Variants in LEKR1 observed in about 807,000 individuals in gnomAD.
The protein encoded by LEKR1 is leucine, glutamate and lysine rich 1, also known as protein LEKR1.
In LEKR1, 59 loss-of-function variants were observed where a neutral mutation model predicts 72.4. The observed-to-expected ratio is 0.82, with a 90% CI of 0.66 to 1.01. The LOEUF (loss-of-function observed/expected upper bound fraction) is 1.01. Ranked by LOEUF, LEKR1 falls within the 50% of genes least tolerant of loss-of-function variation. LEKR1 has a pLI of 0.00. For missense variants in LEKR1, 728 were observed against 759.2 expected, an observed-to-expected ratio of 0.96 and a Z score of 0.48; for synonymous variants, 257 against 263.2, an observed-to-expected ratio of 0.98 and a Z score of 0.23.
At chr3:156,876,016 AGAAAT>A in intron 3 of LEKR1, among the ~76,000 whole-genome samples, 1 of 136,648 alleles carries the variant, frequency 7.3e-6, no homozygotes. Context: ...AAAAAAAAAA[AGAAAT>A]GAGGATCCAG....
intron 6 of LEKR1, among the ~76,000 whole-genome samples, chr3:156,962,026 C>T (rs937772382): frequency 2.6e-5 from 4 of 152,192 alleles, no homozygotes; most frequent in African/African-American, 4.8e-5. Flanking sequence ...GTATTCACCT[C>T]GACTTGTTTA....
chr3:157,043,621 T>C (rs962241461), intron 12 of LEKR1, among the ~76,000 whole-genome samples: 5 of 152,224 alleles, frequency 3.3e-5, no homozygotes, highest in Non-Finnish European at 5.9e-5. Context: ...CAGTGTGAGC[T>C]TCAGTGTCTT....
chr3:156,873,874 T>C (rs148793096), intron 3 of LEKR1, among the ~76,000 whole-genome samples: 1 of 152,248 alleles, frequency 6.6e-6, no homozygotes, highest in East Asian at 1.9e-4. Context: ...TGCTATTAGT[T>C]TGATGGGGAT....
intron 10 of LEKR1, among the ~76,000 whole-genome samples, chr3:157,015,909 A>C (rs188539431): frequency 5.3e-4 from 81 of 152,340 alleles, no homozygotes; most frequent in Middle Eastern, 3.4e-3. Flanking sequence ...GATGAAAATT[A>C]GATTATCTGA....
chr3:156,971,548 C>A (rs934541029), intron 6 of LEKR1, among the ~76,000 whole-genome samples: 4 of 152,112 alleles, frequency 2.6e-5, no homozygotes, highest in African/African-American at 9.7e-5. Flanking sequence ...TCAGAGTGAA[C>A]AGGCAACCTA....
intron 3 of LEKR1, among the ~76,000 whole-genome samples, chr3:156,899,669 CATAT>C (rs201069107): frequency 1.5e-5 from 2 of 136,850 alleles, no homozygotes; most frequent in Non-Finnish European, 3.1e-5. Context: ...CATATATACA[CATAT>C]ATACACGCAT....
intron 2 of LEKR1, among the ~76,000 whole-genome samples, chr3:156,847,518 A>C (rs1368182417): frequency 6.6e-6 from 1 of 152,234 alleles, no homozygotes; most frequent in Non-Finnish European, 1.5e-5. Flanking sequence ...CACAAAAAGC[A>C]GATAACTTAC....
At chr3:157,024,050 G>A (rs1308538679) in intron 10 of LEKR1, among the ~76,000 whole-genome samples, 1 of 152,130 alleles carries the variant, frequency 6.6e-6, no homozygotes, top group East Asian at 1.9e-4. Flanking sequence ...TGGATGACTG[G>A]GAGCTGTGGC....
chr3:156,950,531 C>T (rs1344560928), intron 6 of LEKR1, among the ~76,000 whole-genome samples: 1 of 151,252 alleles, frequency 6.6e-6, no homozygotes, highest in Non-Finnish European at 1.5e-5. Flanking sequence ...TTGTAATTCT[C>T]ATTGTAGAGA....
intron 3 of LEKR1, among the ~76,000 whole-genome samples, chr3:156,883,302 CT>C (rs2108553437): frequency 6.6e-6 from 1 of 152,268 alleles, no homozygotes; most frequent in Non-Finnish European, 1.5e-5. Flanking sequence ...CCCATTGTAT[CT>C]AGGAAGTAAC....
intron 6 of LEKR1, among the ~76,000 whole-genome samples, chr3:156,954,342 G>T (rs1727430308): frequency 6.6e-6 from 1 of 151,770 alleles, no homozygotes; most frequent in Admixed American, 6.6e-5. Context: ...AGTTTATTTT[G>T]CTGTGCAGAA....
intron 3 of LEKR1, among the ~76,000 whole-genome samples, chr3:156,885,587 A>T (rs4680311): frequency 0.84 from 128,436 of 152,244 alleles, 54,344 homozygotes; most frequent in African/African-American, 0.91. Flanking sequence ...GACTACCACA[A>T]GTGGGGCTGG....
intron 7 of LEKR1, among the ~76,000 whole-genome samples, chr3:156,982,839 A>G (rs1023350937): frequency 2.0e-5 from 3 of 147,078 alleles, no homozygotes; most frequent in East Asian, 2.0e-4. Context: ...ATATATGAAT[A>G]TGTGTGTGTG....
intron 2 of LEKR1, among the ~76,000 whole-genome samples, chr3:156,834,582 GGTAA>G (rs1215549667): frequency 6.6e-6 from 1 of 152,102 alleles, no homozygotes; most frequent in African/African-American, 2.4e-5. Context: ...TTAGGAACCT[GGTAA>G]GTAAGTAATT....
chr3:156,951,225 G>A (rs780378058), intron 6 of LEKR1, among the ~76,000 whole-genome samples: 1 of 151,692 alleles, frequency 6.6e-6, no homozygotes, highest in South Asian at 2.1e-4. Flanking sequence ...ACTTTATCAC[G>A]ACGTGTTAGC....
chr3:157,043,337 AC>A (rs898543196), intron 12 of LEKR1, among the ~76,000 whole-genome samples: 1 of 152,130 alleles, frequency 6.6e-6, no homozygotes, highest in African/African-American at 2.4e-5. Flanking sequence ...TTGCCAGCTT[AC>A]TCTACTAGTA....
intron 6 of LEKR1, among the ~76,000 whole-genome samples, chr3:156,963,844 C>G (rs1458157084): frequency 6.6e-6 from 1 of 152,160 alleles, no homozygotes; most frequent in African/African-American, 2.4e-5. Flanking sequence ...ACTTTACTAC[C>G]AGATTTCCAC....
chr3:156,981,914 C>A (rs930870127), intron 7 of LEKR1, among the ~76,000 whole-genome samples: 5 of 152,180 alleles, frequency 3.3e-5, no homozygotes, highest in African/African-American at 1.2e-4. Flanking sequence ...AGGTTTCTTC[C>A]ATTTTTAATC....
At chr3:157,005,506 T>C (rs1732352894) in intron 9 of LEKR1, among the ~76,000 whole-genome samples, 1 of 151,966 alleles carries the variant, frequency 6.6e-6, no homozygotes, top group South Asian at 2.1e-4. Flanking sequence ...AACAAGAAAA[T>C]TAACAGACCA....
Sources: gnomAD v4.1 joint callset for allele counts (sites outside exome capture counted in the v4.1 genomes callset) on GRCh38, gnomAD v4.1.1 for gene constraint, MANE v1.5 for transcripts, NCBI Gene and HGNC (gene_info 2026-07-23, HGNC 2026-07-21) for gene names.